Variants in DGKI observed in about 807,000 individuals in gnomAD.
DGKI encodes the protein diacylglycerol kinase iota, also known as DAG kinase iota.
A neutral mutation model predicts 147.5 loss-of-function variants in DGKI; 55 were observed. The observed-to-expected ratio is 0.37, with a 90% CI of 0.30 to 0.47. The LOEUF is 0.47. Among genes scored for constraint, DGKI ranks in the 20% least tolerant of loss-of-function variants. The probability of loss-of-function intolerance (pLI) is 1.00; values close to 1 mark genes in which losing one functional copy is unlikely to be tolerated. For synonymous variants in DGKI, 469 were observed against 477.1 expected (o/e 0.98, Z 0.22); for missense variants, 1,007 against 1,323.8 (o/e 0.76, Z 3.71).
chr7:137,411,773 C>A (rs974714951), intron 29 of DGKI, among the ~76,000 whole-genome samples: 3 of 152,142 alleles, frequency 2.0e-5, no homozygotes, highest in Non-Finnish European at 4.4e-5. Context: ...TAACTATGAT[C>A]CCCAAAGTAT....
chr7:137,464,785 T>G (rs1286974910), intron 26 of DGKI, among the ~76,000 whole-genome samples: 1 of 152,214 alleles, frequency 6.6e-6, no homozygotes, highest in African/African-American at 2.4e-5. Context: ...GACATTGCAG[T>G]TGTGCTAGCC....
chr7:137,594,558 G>C (rs1250965028), intron 12 of DGKI, among the ~76,000 whole-genome samples: 1 of 151,998 alleles, frequency 6.6e-6, no homozygotes, highest in Non-Finnish European at 1.5e-5. Context: ...CCTAAGCTTT[G>C]TCACTTTACT....
At chr7:137,470,840 C>T (rs1393727566) in intron 23 of DGKI, among the ~76,000 whole-genome samples, 2 of 152,152 alleles carry the variant, frequency 1.3e-5, no homozygotes, top group African/African-American at 2.4e-5. Context: ...GAAGCTTGGC[C>T]TCTGACCTCC....
At chr7:137,663,530 C>T (rs1159047825) in intron 3 of DGKI, among the ~76,000 whole-genome samples, 1 of 152,208 alleles carries the variant, frequency 6.6e-6, no homozygotes, top group African/African-American at 2.4e-5. Flanking sequence ...TTTGGCATGT[C>T]CACTGCGGGA....
chr7:137,397,645 C>T (rs1811602458), intron 30 of DGKI, among the ~76,000 whole-genome samples: 1 of 152,296 alleles, frequency 6.6e-6, no homozygotes, highest in Admixed American at 6.5e-5. Context: ...ATGGTCTCTG[C>T]TGTCAAGCAG....
intron 1 of DGKI, among the ~76,000 whole-genome samples, chr7:137,706,192 G>C (rs1316981594): frequency 6.6e-6 from 1 of 151,728 alleles, no homozygotes; most frequent in Non-Finnish European, 1.5e-5. Flanking sequence ...CCAGGATCAA[G>C]GTTTGTTTAT....
chr7:137,760,693 G>T (rs920937632), intron 1 of DGKI, among the ~76,000 whole-genome samples: 3 of 152,118 alleles, frequency 2.0e-5, no homozygotes, highest in African/African-American at 4.8e-5. Context: ...GAACCATTTC[G>T]GTTGGCAAAA....
chr7:137,694,059 C>T (rs186055807), intron 1 of DGKI, among the ~76,000 whole-genome samples: 4 of 152,288 alleles, frequency 2.6e-5, no homozygotes, highest in African/African-American at 7.2e-5. Context: ...CGGTGGCTCA[C>T]GCCTGTAATC....
chr7:137,442,988 A>C lies in DGKI; in HGVS notation c.2761+1089T>G, dbSNP rs189028413. Among the ~76,000 whole-genome samples, 223 of 152,290 alleles carry C rather than the reference A, an allele frequency of 1.5e-3. 3 individuals are homozygous for C. Among genetic ancestry groups the C allele is most frequent in the African/African-American group, 5.1e-3 (212 of 41,550 alleles). ...GCATAGAAACCATCTATATGGCAAAAGAAGTAGCATCCTGTCAGAGAGAAC... is the reference window on the plus strand; with the variant it reads ...GCATAGAAACCATCTATATGGCAAACGAAGTAGCATCCTGTCAGAGAGAAC... On this transcript the variant is annotated intron_variant, in intron 28 of 32. Transcript: ENST00000614521.
At chr7:137,608,366 G>T (rs1420226709) in intron 10 of DGKI, among the ~76,000 whole-genome samples, 7 of 152,190 alleles carry the variant, frequency 4.6e-5, no homozygotes, top group Admixed American at 4.6e-4. Flanking sequence ...TTATAGACCA[G>T]TGTCACTTTA....
chr7:137,615,955 C>T (rs774863681), intron 8 of DGKI, among the ~76,000 whole-genome samples: 3 of 152,132 alleles, frequency 2.0e-5, no homozygotes, highest in Non-Finnish European at 4.4e-5. Context: ...ACCACTGCTG[C>T]ATTGTCCCCA....
intron 1 of DGKI, among the ~76,000 whole-genome samples, chr7:137,784,178 C>T (rs116253530): frequency 0.022 from 3,368 of 152,198 alleles, 143 homozygotes; most frequent in African/African-American, 0.078. Flanking sequence ...TACAGAATGG[C>T]AGAATGGATA....
At chr7:137,590,197 T>A (rs370611492) in intron 12 of DGKI, among the ~76,000 whole-genome samples, 6 of 152,240 alleles carry the variant, frequency 3.9e-5, no homozygotes, top group African/African-American at 1.4e-4. Flanking sequence ...TGTGCCCTAC[T>A]GACAGCAAGC....
At chr7:137,702,242 AT>A (rs1286180412) in intron 1 of DGKI, among the ~76,000 whole-genome samples, 1 of 152,204 alleles carries the variant, frequency 6.6e-6, no homozygotes, top group Non-Finnish European at 1.5e-5. Context: ...GTTGGCAATG[AT>A]TTTTTTCAAG....
intron 21 of DGKI, among the ~76,000 whole-genome samples, chr7:137,509,240 G>C (rs1253407523): frequency 6.6e-6 from 1 of 152,006 alleles, no homozygotes; most frequent in Non-Finnish European, 1.5e-5. Context: ...CCTTTTTCTT[G>C]GACAAAATGT....
chr7:137,634,977 G>C (rs1821260243), intron 6 of DGKI, among the ~76,000 whole-genome samples: 1 of 152,204 alleles, frequency 6.6e-6, no homozygotes, highest in Non-Finnish European at 1.5e-5. Flanking sequence ...TGGCAAGGCT[G>C]GTTGGCCAGG....
At chr7:137,804,325 C>T (rs1797300003) in intron 1 of DGKI, among the ~76,000 whole-genome samples, 1 of 152,152 alleles carries the variant, frequency 6.6e-6, no homozygotes, top group African/African-American at 2.4e-5. Context: ...AGAGATCCTA[C>T]AAGAAAGCAC....
At chr7:137,644,976 A>G (rs146586479) in intron 6 of DGKI, among the ~76,000 whole-genome samples, 62 of 152,300 alleles carry the variant, frequency 4.1e-4, no homozygotes, top group African/African-American at 1.4e-3. Context: ...ATGACAGAGG[A>G]GGTAGATATA....
At chr7:137,693,513 A>G (rs1179176880) in intron 1 of DGKI, among the ~76,000 whole-genome samples, 2 of 152,208 alleles carry the variant, frequency 1.3e-5, no homozygotes, top group Non-Finnish European at 2.9e-5. Context: ...CCTCTAATAT[A>G]TTTAAAATAT....
Sources: allele counts gnomAD v4.1 joint callset (sites outside exome capture counted in the v4.1 genomes callset), GRCh38; gene constraint gnomAD v4.1.1; transcripts MANE v1.5; gene names NCBI Gene and HGNC (gene_info 2026-07-23, HGNC 2026-07-21).